The following IHO1 variants were observed in gnomAD, a reference collection of about 807,000 sequenced individuals.
IHO1 encodes interactor of HORMAD1 1, also known as interactor of HORMAD1 protein 1.
IHO1 carries 13 observed loss-of-function variants against 31.0 expected under a neutral mutation model. That is an observed-to-expected ratio of 0.42 (90% CI 0.27 to 0.67). The LOEUF is 0.67. Ranked by LOEUF, IHO1 falls within the 30% of genes least tolerant of loss-of-function variation. The probability of loss-of-function intolerance (pLI) is 0.24; values close to 1 mark genes in which losing one functional copy is unlikely to be tolerated. For synonymous variants in IHO1, 221 were observed against 248.4 expected (o/e 0.89, Z 1.04); for missense variants, 599 against 687.5 (o/e 0.87, Z 1.44).
At chr3:49,242,132 C>T (rs1261840515) in intron 4 of IHO1, among the ~76,000 whole-genome samples, 3 of 146,852 alleles carry the variant, frequency 2.0e-5, no homozygotes, top group East Asian at 2.1e-4. Context: ...TCAGTAGAGA[C>T]GGGGTTCGCC....
chr3:49,233,847 G>A (rs543291529), intron 2 of IHO1, among the ~76,000 whole-genome samples: 28 of 152,242 alleles, frequency 1.8e-4, no homozygotes, highest in South Asian at 1.7e-3. Context: ...TTGGCCCACC[G>A]AGGGCGGAAA....
chr3:49,231,022 A>C (rs1180751634), intron 2 of IHO1, among the ~76,000 whole-genome samples: 1 of 152,190 alleles, frequency 6.6e-6, no homozygotes, highest in Non-Finnish European at 1.5e-5. Flanking sequence ...TAGATTTGCT[A>C]ATTTTTCCAG....
At chr3:49,249,975 T>G (rs1398171345) in intron 6 of IHO1, among the ~76,000 whole-genome samples, 2 of 152,154 alleles carry the variant, frequency 1.3e-5, no homozygotes, top group Non-Finnish European at 2.9e-5. Flanking sequence ...TAAAAACAAA[T>G]TGTTTAAAAA....
upstream of IHO1, among the ~76,000 whole-genome samples, chr3:49,196,837 A>C (rs1187703533): frequency 6.6e-6 from 1 of 151,020 alleles, no homozygotes; most frequent in Non-Finnish European, 1.5e-5. Context: ...CGCCTGGCTA[A>C]TTTTTTGTAT....
intron 3 of IHO1, among the ~76,000 whole-genome samples, chr3:49,240,070 G>A (rs1195283335): frequency 2.0e-5 from 3 of 151,858 alleles, no homozygotes; most frequent in Non-Finnish European, 4.4e-5. Context: ...TTTTGAGACA[G>A]AGTCGCACTC....
chr3:49,229,757 C>T (rs1413657721), intron 2 of IHO1, among the ~76,000 whole-genome samples: 1 of 152,092 alleles, frequency 6.6e-6, no homozygotes, highest in Non-Finnish European at 1.5e-5. Context: ...TTGGTAAAGC[C>T]CCTGAAGTAT....
chr3:49,215,326 C>G (rs1294853128), intron 2 of IHO1, among the ~76,000 whole-genome samples: 3 of 152,186 alleles, frequency 2.0e-5, no homozygotes, highest in Admixed American at 1.3e-4. Context: ...GCTGGCATTA[C>G]AGGCATGACT....
intron 2 of IHO1, among the ~76,000 whole-genome samples, chr3:49,227,749 AC>A (rs1255443791): frequency 6.6e-6 from 1 of 152,164 alleles, no homozygotes; most frequent in Non-Finnish European, 1.5e-5. Flanking sequence ...GGAGGGCCAT[AC>A]CCTGAGGGAG....
Position 49,255,003 on chromosome 3 carries a change from C to A in IHO1, c.533-387C>A, listed in dbSNP as rs201012826. ...GCTCAAACCTAGGAGGGGGAAGTTG[C>A]AGTGAACCAAGATCGCATCACTGCA... On this transcript the variant is annotated intron_variant, in intron 6 of 7. Coordinates refer to ENST00000452691, the MANE Select transcript of IHO1 (RefSeq NM_001135197.2). Among the ~76,000 whole-genome samples, 5 of 151,198 alleles carry A rather than the reference C, an allele frequency of 3.3e-5. No individual in the cohort carries two copies. The East Asian group carries it at 9.7e-4, about 29-fold the overall frequency.
At chr3:49,205,096 T>A (rs1353754178) in intron 1 of IHO1, among the ~76,000 whole-genome samples, 3 of 151,978 alleles carry the variant, frequency 2.0e-5, no homozygotes, top group Non-Finnish European at 4.4e-5. Flanking sequence ...GGTTGGCTAT[T>A]TTTATGGTTA....
intron 2 of IHO1, among the ~76,000 whole-genome samples, chr3:49,234,309 A>T (rs540832856): frequency 2.0e-5 from 3 of 151,328 alleles, no homozygotes; most frequent in Non-Finnish European, 4.4e-5. Flanking sequence ...ATTAGGTGGG[A>T]CTGTACAGGC....
intron 1 of IHO1, among the ~76,000 whole-genome samples, chr3:49,209,670 G>C (rs1408545999): frequency 6.6e-6 from 1 of 151,184 alleles, no homozygotes; most frequent in Non-Finnish European, 1.5e-5. Flanking sequence ...AATTCCATGA[G>C]TATAAGGTAT....
intron 3 of IHO1, among the ~76,000 whole-genome samples, chr3:49,237,557 G>A (rs991243786): frequency 6.6e-6 from 1 of 151,730 alleles, no homozygotes; most frequent in Non-Finnish European, 1.5e-5. Flanking sequence ...ACAAAGCAAC[G>A]TAAAATAGTG....
rs139494249 is a variant in IHO1, at chr3:49,248,731, A to G, written c.532+3998A>G. Among the ~76,000 whole-genome samples the G allele has an allele frequency of 5.8e-3, 889 of 152,316 alleles. 9 individuals carry two copies. The highest frequency in any genetic ancestry group is 0.02 in the African/African-American group (847 of 41,558). On this transcript the variant is annotated intron_variant, in intron 6 of 7. Transcript: ENST00000452691. ...AACAAGAGCGAAACTCTGTCTCAAA[A>G]AAGAAAAAGAAAGAAAAAAGACTCA...
upstream of IHO1, among the ~76,000 whole-genome samples, chr3:49,197,287 G>A (rs2046005054): frequency 6.6e-6 from 1 of 151,118 alleles, no homozygotes; most frequent in Non-Finnish European, 1.5e-5. Flanking sequence ...ACCATGCCCA[G>A]GCCATTTTTA....
Position 49,257,141 on chromosome 3 carries a change from C to T in IHO1, c.1644C>T (p.Ser548=). The T allele has an allele frequency of 5.0e-6, 8 of 1,614,152 alleles. No homozygotes were observed. The highest frequency in any genetic ancestry group is 6.8e-6 in the Non-Finnish European group (8 of 1,180,030). ...CTTCCCAAGACAACTGGCTACTTTCCAGCAGTTCCCAGGGGGACCACCAGA... is the reference window on the plus strand; with the variant it reads ...CTTCCCAAGACAACTGGCTACTTTCTAGCAGTTCCCAGGGGGACCACCAGA... The part of the protein sequence containing the change: ...RCSSQDNWLL[S]SSSQGDHQMS... Residue 548 remains serine (S), a synonymous_variant, in exon 8 of 8, where the codon TCC becomes TCT. Coordinates refer to ENST00000452691, the MANE Select transcript of IHO1 (RefSeq NM_001135197.2).
chr3:49,246,847 T>G (rs999500082), intron 6 of IHO1, among the ~76,000 whole-genome samples: 2 of 151,842 alleles, frequency 1.3e-5, no homozygotes, highest in African/African-American at 4.8e-5. Context: ...TTGCTTTTCT[T>G]TTTTTCTTTT....
At chr3:49,199,827 CTCCTA>C (rs1318120327) in intron 1 of IHO1, 3 of 152,304 alleles carry the variant, frequency 2.0e-5, no homozygotes, top group Non-Finnish European at 4.4e-5. Flanking sequence ...GGTCCGCGAC[CTCCTA>C]TCCCAGATCC....
chr3:49,195,127 TA>T (rs1294916280), upstream of IHO1, among the ~76,000 whole-genome samples: 3 of 151,836 alleles, frequency 2.0e-5, no homozygotes, highest in Non-Finnish European at 4.4e-5. Flanking sequence ...TAATTAAAAA[TA>T]AAAAGCATGG....
Sources: allele counts gnomAD v4.1 joint callset (sites outside exome capture counted in the v4.1 genomes callset), GRCh38; gene constraint gnomAD v4.1.1; transcripts MANE v1.5; gene names NCBI Gene and HGNC (gene_info 2026-07-23, HGNC 2026-07-21).